The following RCOR1 variants were observed in gnomAD, a reference collection of about 807,000 sequenced individuals.
The protein encoded by RCOR1 is REST corepressor.
A neutral mutation model predicts 64.0 loss-of-function variants in RCOR1; 12 were observed. The observed-to-expected ratio is 0.19, with a 90% confidence interval of 0.12 to 0.30. The LOEUF (loss-of-function observed/expected upper bound fraction) is 0.30. Ranked by LOEUF, RCOR1 falls within the 10% of genes least tolerant of loss-of-function variation. The probability of loss-of-function intolerance (pLI) is 1.00; values close to 1 mark genes in which losing one functional copy is unlikely to be tolerated. For synonymous variants in RCOR1, 279 were observed against 227.2 expected, an observed-to-expected ratio of 1.23 and a Z score of -2.05; for missense variants, 502 against 621.2, an observed-to-expected ratio of 0.81 and a Z score of 2.04.
chr14:102,686,886 TCTC>T (rs1274356871), intron 3 of RCOR1, among the ~76,000 whole-genome samples: 1 of 152,222 alleles, frequency 6.6e-6, no homozygotes, highest in Non-Finnish European at 1.5e-5. Flanking sequence ...TCTGTCGTCT[TCTC>T]CTTTTTTACA....
At chr14:102,615,109 G>C (rs1893728091) in intron 2 of RCOR1, among the ~76,000 whole-genome samples, 1 of 151,162 alleles carries the variant, frequency 6.6e-6, no homozygotes. Flanking sequence ...GGGATTACAG[G>C]CGTGAGCCAT....
chr14:102,657,054 C>G (rs888691714), intron 2 of RCOR1: 59 of 977,082 alleles, frequency 6.0e-5, no homozygotes, highest in Non-Finnish European at 6.6e-5. Flanking sequence ...GGATTATAAG[C>G]GTGAATCACT....
At chr14:102,704,720 G>A (rs1179047847) in intron 4 of RCOR1, among the ~76,000 whole-genome samples, 2 of 152,216 alleles carry the variant, frequency 1.3e-5, no homozygotes, top group African/African-American at 2.4e-5. Context: ...GTGAGCCACC[G>A]CGCCCAGCCC....
At chr14:102,595,264 G>A (rs1208226307) in intron 2 of RCOR1, among the ~76,000 whole-genome samples, 1 of 152,214 alleles carries the variant, frequency 6.6e-6, no homozygotes, top group Non-Finnish European at 1.5e-5. Flanking sequence ...CACTTGGGGA[G>A]GCCAAGGCTG....
At chr14:102,609,150 A>G (rs1893576458) in intron 2 of RCOR1, among the ~76,000 whole-genome samples, 1 of 147,160 alleles carries the variant, frequency 6.8e-6, no homozygotes, top group African/African-American at 2.5e-5. Flanking sequence ...GGTTCAAGCA[A>G]TTCTCCTGCC....
rs1893749902 is a variant in RCOR1 at position 102,615,923 on chromosome 14, G to A, written c.361+22598G>A. 2.0e-5 allele frequency among the ~76,000 whole-genome samples: 3 copies of A among 152,338 alleles called. No homozygotes were observed. The East Asian group carries it at 5.8e-4, about 29-fold the overall frequency. On this transcript the variant is annotated intron_variant, in intron 2 of 11. Coordinates refer to ENST00000262241, the MANE Select transcript of RCOR1 (RefSeq NM_015156.4). Reference sequence around the variant, plus strand: ...CAACAGGAGGTAGGCCATCAGTTCTGCAGTGGGCAGCAGCTGGGCATCCTC... The same window carrying A: ...CAACAGGAGGTAGGCCATCAGTTCTACAGTGGGCAGCAGCTGGGCATCCTC...
intron 2 of RCOR1, among the ~76,000 whole-genome samples, chr14:102,595,706 A>G (rs983767616): frequency 2.6e-5 from 4 of 151,644 alleles, no homozygotes. Flanking sequence ...CAGCCTCCAG[A>G]GTAGCAGGGA....
At chr14:102,608,755 G>A (rs191374177) in intron 2 of RCOR1, among the ~76,000 whole-genome samples, 130 of 151,220 alleles carry the variant, frequency 8.6e-4, no homozygotes, top group African/African-American at 3.1e-3. Flanking sequence ...TGGAGAGACG[G>A]GGTTTGTTTA....
chr14:102,621,466 C>A (rs917810360), intron 2 of RCOR1, among the ~76,000 whole-genome samples: 3 of 148,114 alleles, frequency 2.0e-5, no homozygotes, highest in Admixed American at 1.4e-4. Flanking sequence ...GCCTTGAACT[C>A]CTGGGCTCAA....
At chr14:102,609,025 C>CTTTTT (rs1004210046) in intron 2 of RCOR1, among the ~76,000 whole-genome samples, 1 of 107,000 alleles carries the variant, frequency 9.3e-6, no homozygotes. Context: ...CTGTGCTTCA[C>CTTTTT]TTTTTTTTTT....
chr14:102,651,702 A>G (rs1462447802), intron 2 of RCOR1, among the ~76,000 whole-genome samples: 3 of 152,146 alleles, frequency 2.0e-5, no homozygotes, highest in African/African-American at 7.2e-5. Flanking sequence ...TGCAAAATAA[A>G]TGGGTTATTT....
chr14:102,691,776 G>A (rs1452471281), intron 3 of RCOR1, among the ~76,000 whole-genome samples: 1 of 152,134 alleles, frequency 6.6e-6, no homozygotes, highest in African/African-American at 2.4e-5. Context: ...TGTCTAATCT[G>A]TATCTTTATA....
rs569745143 is a variant in RCOR1, at chr14:102,705,112, T to TCAA, written c.499-2220_499-2218dup. ...TTGCACTCTAGATCACAACTCTATA[T>TCAA]CAACAACAACAACAACAACAAAAAA... On this transcript the variant is annotated intron_variant, in intron 4 of 11. Coordinates refer to ENST00000262241, the MANE Select transcript of RCOR1 (RefSeq NM_015156.4). Among the ~76,000 whole-genome samples the TCAA allele has an allele frequency of 6.0e-3, 906 of 151,296 alleles. 8 individuals are homozygous for TCAA. The highest frequency in any genetic ancestry group is 0.021 in the African/African-American group (852 of 41,172).
At chr14:102,713,214 A>G (rs374222407) in intron 7 of RCOR1, among the ~76,000 whole-genome samples, 1 of 151,166 alleles carries the variant, frequency 6.6e-6, no homozygotes, top group East Asian at 1.9e-4. Context: ...TCGGCCTCCT[A>G]AAGTGCTGAG....
intron 4 of RCOR1, among the ~76,000 whole-genome samples, chr14:102,704,638 G>C (rs185443136): frequency 6.6e-6 from 1 of 152,174 alleles, no homozygotes. Flanking sequence ...CACCATGTTG[G>C]TCAGGCTGGT....
At chr14:102,635,399 G>C (rs1468806938) in intron 2 of RCOR1, among the ~76,000 whole-genome samples, 1 of 152,108 alleles carries the variant, frequency 6.6e-6, no homozygotes, top group Non-Finnish European at 1.5e-5. Flanking sequence ...AGCTACTCGG[G>C]AGGCTGAGGT....
At chr14:102,599,529 T>G (rs1464929371) in intron 2 of RCOR1, among the ~76,000 whole-genome samples, 1 of 152,200 alleles carries the variant, frequency 6.6e-6, no homozygotes, top group East Asian at 1.9e-4. Context: ...TTTGAGATAG[T>G]GGCCCTTTAA....
chr14:102,680,866 C>A (rs2139960192), intron 2 of RCOR1, among the ~76,000 whole-genome samples: 1 of 152,326 alleles, frequency 6.6e-6, no homozygotes, highest in Non-Finnish European at 1.5e-5. Context: ...TTCTCATCTA[C>A]ATCCTCTTCC....
intron 2 of RCOR1, among the ~76,000 whole-genome samples, chr14:102,602,735 T>C (rs1451350488): frequency 6.6e-6 from 1 of 152,070 alleles, no homozygotes; most frequent in Non-Finnish European, 1.5e-5. Flanking sequence ...AGACTTGATA[T>C]CGTTCTGCCT....
Sources: gnomAD v4.1 joint callset for allele counts (sites outside exome capture counted in the v4.1 genomes callset) on GRCh38, gnomAD v4.1.1 for gene constraint, MANE v1.5 for transcripts, NCBI Gene and HGNC (gene_info 2026-07-23, HGNC 2026-07-21) for gene names.